The following NAV3 variants were observed in gnomAD, a reference collection of about 807,000 sequenced individuals.
The protein encoded by NAV3 is neuron navigator 3, also known as pore membrane and/or filament interacting like protein 1.
Under a neutral mutation model 244.7 loss-of-function variants are expected in NAV3, and 87 were observed. The observed-to-expected ratio is 0.36, with a 90% confidence interval of 0.30 to 0.42. The LOEUF is 0.42. NAV3 is among the 20% of genes least tolerant of loss of function. The pLI is 1.00. For missense variants in NAV3, 2,663 were observed against 2,893.3 expected (o/e 0.92, Z 1.83); for synonymous variants, 1,126 against 1,042.2 (o/e 1.08, Z -1.55).
At chr12:77,642,450 C>T (rs945560883) in intron 2 of NAV3, among the ~76,000 whole-genome samples, 6 of 152,096 alleles carry the variant, frequency 3.9e-5, no homozygotes, top group Middle Eastern at 3.4e-3. Context: ...AGGTAAATTA[C>T]GCAATTCTAA....
At chr12:78,045,422 A>C (rs1442558489) in intron 9 of NAV3, among the ~76,000 whole-genome samples, 1 of 151,952 alleles carries the variant, frequency 6.6e-6, no homozygotes, top group Non-Finnish European at 1.5e-5. Flanking sequence ...CAGCCTCCCG[A>C]GTAGCTGGGG....
intron 31 of NAV3, among the ~76,000 whole-genome samples, chr12:78,186,950 T>C (rs1958747924): frequency 6.6e-6 from 1 of 151,820 alleles, no homozygotes. Context: ...AAATCCTGAA[T>C]TATCTACTTT....
intron 12 of NAV3, among the ~76,000 whole-genome samples, chr12:78,095,764 G>A (rs943501295): frequency 2.0e-5 from 3 of 152,138 alleles, no homozygotes; most frequent in Admixed American, 1.3e-4. Context: ...GAGCAATCTA[G>A]GTTTTTGTCT....
intron 14 of NAV3, among the ~76,000 whole-genome samples, chr12:78,118,855 A>G (rs542763918): frequency 6.6e-6 from 1 of 152,372 alleles, no homozygotes; most frequent in African/African-American, 2.4e-5. Flanking sequence ...AATTATAAAT[A>G]GTGCCACCTG....
At chr12:78,090,862 C>T (rs886759907) in intron 12 of NAV3, among the ~76,000 whole-genome samples, 5 of 151,570 alleles carry the variant, frequency 3.3e-5, no homozygotes, top group Non-Finnish European at 7.4e-5. Context: ...TTCATGGGAT[C>T]TATTTTTTCA....
rs1410541018 is a variant in NAV3 at position 78,210,809 on chromosome 12, T to C, written c.*292T>C. 2.2e-5 allele frequency: 7 copies of C among 317,850 alleles called. No individual in the cohort carries two copies. Among genetic ancestry groups the C allele is most frequent in the Non-Finnish European group, 4.1e-5 (7 of 172,594 alleles). The allele number at this position is 317,850 out of a possible 1,614,324, so 19.7% of individuals were successfully genotyped here. A position where few individuals can be genotyped will look rare whatever the true frequency, so the allele number is the denominator to read the frequency against. On this transcript the variant is annotated 3_prime_UTR_variant, in exon 40 of 40. Transcript: ENST00000397909. ...ACAGGGCAACTGAACAGATTGCACA[T>C]GGGATAGCCAAACTGGACTTTCTTT...
intron 7 of NAV3, among the ~76,000 whole-genome samples, chr12:78,002,831 A>G (rs1873535054): frequency 6.6e-6 from 1 of 151,928 alleles, no homozygotes; most frequent in Non-Finnish European, 1.5e-5. Flanking sequence ...AAATATATGT[A>G]TATATCTATA....
At chr12:77,860,414 TA>T (rs2136328526) in intron 1 of NAV3, among the ~76,000 whole-genome samples, 1 of 151,148 alleles carries the variant, frequency 6.6e-6, no homozygotes, top group African/African-American at 2.4e-5. Flanking sequence ...ATACAACACA[TA>T]TATATTCACT....
At chr12:78,038,846 T>C (rs552451827) in intron 9 of NAV3, among the ~76,000 whole-genome samples, 1 of 152,276 alleles carries the variant, frequency 6.6e-6, no homozygotes, top group Non-Finnish European at 1.5e-5. Flanking sequence ...TTTACAAAGA[T>C]ATGAACAGAG....
intron 2 of NAV3, among the ~76,000 whole-genome samples, chr12:77,769,758 A>G (rs932730935): frequency 2.0e-5 from 3 of 152,226 alleles, no homozygotes; most frequent in African/African-American, 7.2e-5. Context: ...GGAAGTGAAC[A>G]GTTACAGTCT....
intron 11 of NAV3, among the ~76,000 whole-genome samples, chr12:78,053,463 C>G (rs1297107756): frequency 6.6e-6 from 1 of 152,024 alleles, no homozygotes; most frequent in Non-Finnish European, 1.5e-5. Context: ...TTACGTAAGT[C>G]TCTCTTTAAA....
At position 78,174,220 on chromosome 12, in the gene NAV3, A is replaced by G. The variant is rs76287874; in HGVS notation, c.4982-1086A>G. ...GTAATACTTAATACTAGTGCATTTT[A>G]GGTAGGAAAATTTTCAGTTTGTTTT... On this transcript the variant is annotated intron_variant, in intron 24 of 39. Transcript: ENST00000397909. 4.8e-3 allele frequency among the ~76,000 whole-genome samples: 728 copies of G among 151,964 alleles called. 5 individuals carry two copies. Among genetic ancestry groups the G allele is most frequent in the African/African-American group, 0.016 (679 of 41,526 alleles).
chr12:77,908,472 G>GA, intron 1 of NAV3, among the ~76,000 whole-genome samples: 1 of 151,862 alleles, frequency 6.6e-6, no homozygotes, highest in Non-Finnish European at 1.5e-5. Context: ...TCTAGAAGGA[G>GA]AAAAAACAAT....
chr12:77,897,160 T>C (rs757569926), intron 1 of NAV3, among the ~76,000 whole-genome samples: 7 of 152,298 alleles, frequency 4.6e-5, no homozygotes, highest in Admixed American at 2.0e-4. Context: ...GAGGAAGAAA[T>C]TGATTTTTCT....
intron 8 of NAV3, among the ~76,000 whole-genome samples, chr12:78,019,255 A>T (rs1189692517): frequency 6.6e-6 from 1 of 152,134 alleles, no homozygotes; most frequent in South Asian, 2.1e-4. Context: ...CAGTATATTT[A>T]CACATATGCT....
At chr12:77,732,296 G>A (rs907209791) in intron 2 of NAV3, among the ~76,000 whole-genome samples, 11 of 151,846 alleles carry the variant, frequency 7.2e-5, no homozygotes, top group African/African-American at 2.7e-4. Flanking sequence ...GATGAGGAGG[G>A]ACTTAAGAAG....
intron 2 of NAV3, among the ~76,000 whole-genome samples, chr12:77,605,993 C>G (rs930658404): frequency 6.6e-6 from 1 of 152,188 alleles, no homozygotes; most frequent in African/African-American, 2.4e-5. Flanking sequence ...TTTTAACATA[C>G]AACCACTATT....
intron 1 of NAV3, among the ~76,000 whole-genome samples, chr12:77,841,131 A>G (rs1280960816): frequency 6.6e-6 from 1 of 151,652 alleles, no homozygotes; most frequent in Non-Finnish European, 1.5e-5. Context: ...TACATGGAGG[A>G]CCTCCCCTCT....
chr12:77,864,762 T>C (rs777532902), intron 1 of NAV3, among the ~76,000 whole-genome samples: 8 of 151,982 alleles, frequency 5.3e-5, no homozygotes, highest in Non-Finnish European at 1.2e-4. Context: ...TATTTGTTGT[T>C]TTTGTTGTCC....
Sources: allele counts gnomAD v4.1 joint callset (sites outside exome capture counted in the v4.1 genomes callset), GRCh38; gene constraint gnomAD v4.1.1; transcripts MANE v1.5; gene names NCBI Gene and HGNC (gene_info 2026-07-23, HGNC 2026-07-21).